LCN10: variants seen among roughly 807,000 people sequenced by gnomAD.
LCN10 encodes the protein lipocalin 10.
A neutral mutation model predicts 25.1 loss-of-function variants in LCN10; 18 were observed. That is an observed-to-expected ratio of 0.72 (90% CI 0.50 to 1.06). The LOEUF is 1.06. Ranked by LOEUF, LCN10 falls within the 50% of genes least tolerant of loss-of-function variation. The pLI is 0.00. For missense variants in LCN10, 257 were observed against 258.9 expected, an observed-to-expected ratio of 0.99 and a Z score of 0.05; for synonymous variants, 130 against 116.7, an observed-to-expected ratio of 1.11 and a Z score of -0.73.
At chr9:136,741,081 G>A (rs1247123566) in intron 3 of LCN10, 138 bp from the exon 4 acceptor site, 3 of 986,354 alleles carry the variant, frequency 3.0e-6, no homozygotes, top group Non-Finnish European at 4.6e-6. Flanking sequence ...TGCCCTCCCG[G>A]GGCCTCCCCT....
chr9:136,741,374 C>CG lies in LCN10; in HGVS notation c.258-14dup, dbSNP rs765969277. ...GCACCCCTTCAACCTGGGGCCAAGG[C>CG]GGGGGCTCAGGCTGCAGACCAGGGA... is the stretch of plus-strand genomic sequence containing the variant. On this transcript the variant is annotated splice_polypyrimidine_tract_variant and intron_variant, in intron 2 of 5. Transcript: ENST00000497771. The CG allele has an allele frequency of 3.1e-5, 50 of 1,596,940 alleles. 1 individual carries two copies. The South Asian group carries it at 5.4e-4, about 17-fold the overall frequency.
chr9:136,740,259 C>A lies in LCN10; in HGVS notation c.476-211G>T. ...GGAAGCCAGGGTCACCACGCTGTCACCTGGGGAACCCTCTCTGCCTGCAGA... is the reference window on the plus strand; with the variant it reads ...GGAAGCCAGGGTCACCACGCTGTCAACTGGGGAACCCTCTCTGCCTGCAGA... On this transcript the variant is annotated intron_variant, in intron 4 of 5. Transcript: ENST00000497771. The surrounding 1 kb of genome is among the most constrained non-coding windows in gnomAD (Gnocchi z 5.3). 1 of 585,472 alleles carries A rather than the reference C, an allele frequency of 1.7e-6. No individual in the cohort carries two copies. The highest frequency in any genetic ancestry group is 2.9e-5 in the East Asian group (1 of 34,422). 36.3% of individuals were successfully genotyped at this position (585,472 alleles called of 1,614,324 possible). A position where few individuals can be genotyped will look rare whatever the true frequency, so the allele number is the denominator to read the frequency against.
rs1339737708 is a variant in LCN10 at position 136,740,755 on chromosome 9, C to T, written c.475+81G>A. 21 of 1,050,990 alleles carry T rather than the reference C, an allele frequency of 2.0e-5. No homozygotes were observed. The highest frequency in any genetic ancestry group is 9.1e-5 in the Admixed American group (4 of 44,114). The allele number at this position is 1,050,990 out of a possible 1,614,324, so 65.1% of individuals were successfully genotyped here. ...CTCCCTGCCCGCCTCACCTCCTGCC[C>T]GGCCCCCTGTGCCCAGCGCCCCTCT... On this transcript the variant is annotated intron_variant, in intron 4 of 5. Coordinates refer to ENST00000497771, the MANE Select transcript of LCN10 (RefSeq NM_001001712.3). The surrounding 1 kb of genome is among the most constrained non-coding windows in gnomAD (Gnocchi z 5.3).
At position 136,740,821 on chromosome 9, in the gene LCN10, G is replaced by A. The variant is rs558005516; in HGVS notation, c.475+15C>T. On this transcript the variant is annotated intron_variant, in intron 4 of 5. Transcript: ENST00000497771. The surrounding 1 kb of genome is among the most constrained non-coding windows in gnomAD (Gnocchi z 5.3). Reference sequence around the variant, plus strand: ...CCCCCTCCACCATCCTCTGCCATCCGCTGTGCCTGCTCACGGAAGAGCAGC... The same window carrying A: ...CCCCCTCCACCATCCTCTGCCATCCACTGTGCCTGCTCACGGAAGAGCAGC... 1.4e-5 allele frequency: 22 copies of A among 1,599,880 alleles called. No homozygotes were observed. The highest frequency in any genetic ancestry group is 4.4e-5 in the South Asian group (4 of 90,364).
rs548670301 is a variant in LCN10, at chr9:136,741,573, C to A, written c.258-212G>T. On this transcript the variant is annotated intron_variant, in intron 2 of 5. Coordinates refer to ENST00000497771, the MANE Select transcript of LCN10 (RefSeq NM_001001712.3). Reference sequence around the variant, plus strand: ...GAGGATTTTCCAATTCGGACTGGGGCCTGTCCCACGGCACGAGAGAAACTC... The same window carrying A: ...GAGGATTTTCCAATTCGGACTGGGGACTGTCCCACGGCACGAGAGAAACTC... The A allele has an allele frequency of 2.2e-4, 135 of 605,938 alleles. No homozygotes were observed. The African/African-American group carries it at 2.3e-3, about 11-fold the overall frequency. 37.5% of individuals were successfully genotyped at this position (605,938 alleles called of 1,614,324 possible).
In LCN10 at chr9:136,740,162, G is replaced by A. The variant is rs548337134; in HGVS notation, c.476-114C>T. On this transcript the variant is annotated intron_variant, in intron 4 of 5. Coordinates refer to ENST00000497771, the MANE Select transcript of LCN10 (RefSeq NM_001001712.3). The surrounding 1 kb of genome is among the most constrained non-coding windows in gnomAD (Gnocchi z 5.3). ...GCTGAAATGTCCTCAGAGCTTAGGCGTGAAGCAGGGGTTGGCCAGGGGAGG... is the reference window on the plus strand; with the variant it reads ...GCTGAAATGTCCTCAGAGCTTAGGCATGAAGCAGGGGTTGGCCAGGGGAGG... 7.6e-5 allele frequency: 59 copies of A among 776,062 alleles called. No homozygotes were observed. Among genetic ancestry groups the A allele is most frequent in the Admixed American group, 1.8e-4 (9 of 49,384 alleles). 48.1% of individuals were successfully genotyped at this position (776,062 alleles called of 1,614,324 possible).
chr9:136,742,531 C>T (rs901794064), intron 1 of LCN10: 2 of 554,312 alleles, frequency 3.6e-6, no homozygotes, highest in Admixed American at 6.3e-5. Context: ...TCCTCGGCCA[C>T]AGCTCTCTGG....
rs376389253 is a variant in LCN10 at position 136,741,283 on chromosome 9, G to T, written c.336C>A (p.Tyr112Ter). The T allele has an allele frequency of 1.9e-6, 3 of 1,613,522 alleles. No individual in the cohort carries two copies. Among genetic ancestry groups the T allele is most frequent in the South Asian group, 2.2e-5 (2 of 91,074 alleles). The change falls in exon 3 of 6, where the codon TAC becomes TAA. Residue 112 changes from tyrosine (Y) to a stop codon, truncating the protein, a stop_gained. Transcript: ENST00000497771. LOFTEE classifies it high-confidence loss of function. The stretch of plus-strand genomic sequence containing the variant: ...CCTGTCCTTCCCTCGGGCCCGCCGC[G>T]TATGCACAGGCGTTCCCAAACACCG... ...KKPVFGNACA[Y>*]AAGPREGQEG...
rs1342762549 is a variant in LCN10, at chr9:136,740,358, C to A, written c.476-310G>T. The A allele has an allele frequency of 2.1e-6, 1 of 479,736 alleles. No homozygotes were observed. The highest frequency in any genetic ancestry group is 3.8e-6 in the Non-Finnish European group (1 of 260,330). 29.7% of individuals were successfully genotyped at this position (479,736 alleles called of 1,614,324 possible). On this transcript the variant is annotated intron_variant, in intron 4 of 5. Transcript: ENST00000497771. The surrounding 1 kb of genome is among the most constrained non-coding windows in gnomAD (Gnocchi z 5.3). Reference sequence around the variant, plus strand: ...AGCGTGCCCTGCCTCGACTGAGACCCCAGGACCCCACCTCCCCTCTACCCG... The same window carrying A: ...AGCGTGCCCTGCCTCGACTGAGACCACAGGACCCCACCTCCCCTCTACCCG...
chr9:136,742,578 C>T, intron 1 of LCN10: 1 of 611,860 alleles, frequency 1.6e-6, no homozygotes, highest in Non-Finnish European at 2.8e-6. Context: ...CCCCCTGGGC[C>T]CCCGAACCCC....
At chr9:136,741,597 T>C (rs1239392879) in intron 2 of LCN10, 3 of 606,330 alleles carry the variant, frequency 4.9e-6, no homozygotes, top group Non-Finnish European at 8.7e-6. Context: ...CGAGAGAAAC[T>C]CCCAACACCC....
rs772048259 is a variant in LCN10, at chr9:136,741,938, G to T, written c.200C>A (p.Ala67Glu). Residue 67 changes from alanine (A) to glutamate (E), a missense_variant, in exon 2 of 6, where the codon GCG (alanine) becomes GAG (glutamate). Ala to Glu is a moderately radical substitution (Grantham distance 107). Coordinates refer to ENST00000497771, the MANE Select transcript of LCN10 (RefSeq NM_001001712.3). ...CACTTTGTTCACCTTTACCACGGAC[G>T]CCCCCAGCTTCCTCTTGTCCCTGGC... ...LPARDKRKLG[A>E]SVVKVNKVGQ... The T allele has an allele frequency of 1.2e-6, 2 of 1,611,406 alleles. No individual in the cohort carries two copies. The highest frequency in any genetic ancestry group is 1.7e-6 in the Non-Finnish European group (2 of 1,179,080).
Position 136,739,229 on chromosome 9 carries a change from G to A in LCN10, c.*296C>T, listed in dbSNP as rs61751906. 2.0e-4 allele frequency: 86 copies of A among 420,898 alleles called. No homozygotes were observed. The highest frequency in any genetic ancestry group is 1.5e-3 in the African/African-American group (75 of 49,592). The allele number at this position is 420,898 out of a possible 1,614,324, so 26.1% of individuals were successfully genotyped here. ...CACACGGCGAGGACTGCGTTGGGCC[G>A]GCCTGTGGTCTGTTTCACAGCAGAC... On this transcript the variant is annotated 3_prime_UTR_variant, in exon 6 of 6. Transcript: ENST00000497771. The surrounding 1 kb of genome is among the most constrained non-coding windows in gnomAD (Gnocchi z 6.1).
At position 136,739,752 on chromosome 9, in the gene LCN10, T is replaced by C; in HGVS notation, c.574+198A>G. 1.4e-6 allele frequency: 1 copy of C among 737,252 alleles called. No individual in the cohort carries two copies. The highest frequency in any genetic ancestry group is 1.7e-5 in the South Asian group (1 of 59,372). 45.7% of individuals were successfully genotyped at this position (737,252 alleles called of 1,614,324 possible). On this transcript the variant is annotated intron_variant, in intron 5 of 5. Coordinates refer to ENST00000497771, the MANE Select transcript of LCN10 (RefSeq NM_001001712.3). The surrounding 1 kb of genome is among the most constrained non-coding windows in gnomAD (Gnocchi z 6.1). ...GGATGCAGCATCTGCTCCGGACGCC[T>C]CTCGCTGTCGGTGCCAGGCCTGCCA...
Position 136,742,893 on chromosome 9 carries a change from C to G in LCN10, c.11G>C (p.Gly4Ala). The change falls in exon 1 of 6, where the codon GGG (glycine) becomes GCG (alanine). Residue 4 changes from glycine (G) to alanine (A), a missense_variant. Physicochemically the swap from Gly to Ala is moderately conservative, Grantham distance 60. Transcript: ENST00000497771. Reference sequence around the variant, plus strand: ...CAGCACCAGCGCCAGCACCAGCAGCCCCTGCCTCATCTTCACCCTCCTCCC... The same window carrying G: ...CAGCACCAGCGCCAGCACCAGCAGCGCCTGCCTCATCTTCACCCTCCTCCC... The part of the protein sequence containing the change: MRQ[G>A]LLVLALVLVL... 6.2e-7 allele frequency: 1 copy of G among 1,613,450 alleles called. No homozygotes were observed. Among genetic ancestry groups the G allele is most frequent in the Non-Finnish European group, 8.5e-7 (1 of 1,179,750 alleles).
Position 136,742,831 on chromosome 9 carries a change from G to T in LCN10, c.73C>A (p.Gln25Lys), listed in dbSNP as rs1424395710. ...VLVLAAGSQV[Q>K]EWYPRESHAL... ...TGGGACTCCCTGGGGTACCACTCCT[G>T]CACCTGGGACCCTGCAGCCAGCACT... Residue 25 changes from glutamine to lysine, a missense_variant, in exon 1 of 6, where the codon CAG becomes AAG. Physicochemically the swap from Gln to Lys is moderately conservative, Grantham distance 53 (BLOSUM62 1). Coordinates refer to ENST00000497771, the MANE Select transcript of LCN10 (RefSeq NM_001001712.3). 3 of 1,613,586 alleles carry T rather than the reference G, an allele frequency of 1.9e-6. No homozygotes were observed. The highest frequency in any genetic ancestry group is 2.5e-6 in the Non-Finnish European group (3 of 1,179,810).
chr9:136,742,432 G>A (rs1358556139), intron 1 of LCN10: 11 of 416,046 alleles, frequency 2.6e-5, no homozygotes, highest in East Asian at 1.8e-4. Context: ...CTGCTCCCAC[G>A]GCTCACTCAG....
In LCN10 at chr9:136,739,303, G is replaced by C; in HGVS notation, c.*222C>G. 8.8e-6 allele frequency: 5 copies of C among 566,108 alleles called. No individual in the cohort carries two copies. The South Asian group carries it at 9.8e-5, about 11-fold the overall frequency. The allele number at this position is 566,108 out of a possible 1,614,324, so 35.1% of individuals were successfully genotyped here. A position where few individuals can be genotyped will look rare whatever the true frequency, so the allele number is the denominator to read the frequency against. The stretch of plus-strand genomic sequence containing the variant: ...GTGCTCCAGAAGACAGTGGGGAAGG[G>C]GCCTGGCTGACATCTCGCCACCCGG... On this transcript the variant is annotated 3_prime_UTR_variant, in exon 6 of 6. Coordinates refer to ENST00000497771, the MANE Select transcript of LCN10 (RefSeq NM_001001712.3). The surrounding 1 kb of genome is among the most constrained non-coding windows in gnomAD (Gnocchi z 6.1).
In LCN10 at chr9:136,739,859, T is replaced by C; in HGVS notation, c.574+91A>G. On this transcript the variant is annotated intron_variant, in intron 5 of 5. Transcript: ENST00000497771. This position sits in a 1 kb window ranked among gnomAD's most constrained non-coding sequence, Gnocchi z 6.1. ...TTTCAAATGGCACCTTTCAAATGGA[T>C]CCTTTCATCTCTCCTTCCCCCAATG... is the stretch of plus-strand genomic sequence containing the variant. 9.4e-7 allele frequency: 1 copy of C among 1,064,066 alleles called. No individual in the cohort carries two copies. Among genetic ancestry groups the C allele is most frequent in the Non-Finnish European group, 1.4e-6 (1 of 702,644 alleles). 65.9% of individuals were successfully genotyped at this position (1,064,066 alleles called of 1,614,324 possible). A position where few individuals can be genotyped will look rare whatever the true frequency, so the allele number is the denominator to read the frequency against.
Sources: allele counts gnomAD v4.1 joint callset, GRCh38; gene constraint gnomAD v4.1.1; non-coding constraint Gnocchi (gnomAD v3.1); transcripts MANE v1.5; gene names NCBI Gene and HGNC (gene_info 2026-07-23, HGNC 2026-07-21).